EPHA6: variants seen among roughly 807,000 people sequenced by gnomAD.
The protein encoded by EPHA6 is ephrin type-A receptor 6.
EPHA6 carries 50 observed loss-of-function variants against 112.0 expected under a neutral mutation model. The observed-to-expected ratio is 0.45, with a 90% CI of 0.36 to 0.56. The LOEUF (loss-of-function observed/expected upper bound fraction) is 0.56, where lower values mean the gene tolerates loss of function less well. Ranked by LOEUF, EPHA6 falls within the 20% of genes least tolerant of loss-of-function variation. The probability of loss-of-function intolerance (pLI) is 0.00; values close to 1 mark genes in which losing one functional copy is unlikely to be tolerated. For synonymous variants in EPHA6, 529 were observed against 490.7 expected (o/e 1.08, Z -1.03); for missense variants, 1,280 against 1,417.4 (o/e 0.90, Z 1.56).
intron 2 of EPHA6, among the ~76,000 whole-genome samples, chr3:96,923,759 G>C (rs1254567278): frequency 2.0e-5 from 3 of 151,922 alleles, no homozygotes; most frequent in African/African-American, 7.3e-5. Context: ...TTATAGTTTT[G>C]GGTTTCACAT....
chr3:97,289,442 C>G (rs1037371327), intron 5 of EPHA6, among the ~76,000 whole-genome samples: 2 of 152,068 alleles, frequency 1.3e-5, no homozygotes, highest in African/African-American at 4.8e-5. Flanking sequence ...GTCTTTGTGT[C>G]TGTTTTTGTA....
intron 13 of EPHA6, among the ~76,000 whole-genome samples, chr3:97,630,719 G>T (rs1315023199): frequency 6.6e-6 from 1 of 151,966 alleles, no homozygotes; most frequent in Non-Finnish European, 1.5e-5. Context: ...ATAAGAAAGA[G>T]GCCTGGAAGT....
intron 6 of EPHA6, among the ~76,000 whole-genome samples, chr3:97,422,195 A>G (rs2088713397): frequency 6.6e-6 from 1 of 151,904 alleles, no homozygotes; most frequent in Admixed American, 6.6e-5. Flanking sequence ...GATTGTCAAA[A>G]GACAAGACAA....
At chr3:96,977,214 A>G (rs1210186095) in intron 2 of EPHA6, among the ~76,000 whole-genome samples, 2 of 152,184 alleles carry the variant, frequency 1.3e-5, no homozygotes, top group South Asian at 2.1e-4. Flanking sequence ...AGTTTGGTCT[A>G]ATTTAAAGAA....
intron 5 of EPHA6, among the ~76,000 whole-genome samples, chr3:97,297,115 G>T (rs553726902): frequency 6.6e-6 from 1 of 152,252 alleles, no homozygotes; most frequent in East Asian, 1.9e-4. Flanking sequence ...CCCTGTGAGG[G>T]TTGAGAGACT....
chr3:96,998,287 C>A (rs2043498621), intron 3 of EPHA6, among the ~76,000 whole-genome samples: 1 of 151,778 alleles, frequency 6.6e-6, no homozygotes, highest in African/African-American at 2.4e-5. Context: ...TTTAGTTCTA[C>A]CTTTTAAACA....
chr3:96,978,214 T>C (rs2042609770), intron 2 of EPHA6, among the ~76,000 whole-genome samples: 1 of 152,124 alleles, frequency 6.6e-6, no homozygotes, highest in Non-Finnish European at 1.5e-5. Flanking sequence ...ATTCATTAAA[T>C]GGAACTGGAC....
chr3:96,829,961 A>G (rs879860176), intron 1 of EPHA6, among the ~76,000 whole-genome samples: 7,473 of 147,348 alleles, frequency 0.051, 494 homozygotes, highest in Admixed American at 0.2. Flanking sequence ...ACACACACAC[A>G]CACACACACA....
At chr3:97,250,954 C>T (rs1222040357) in intron 5 of EPHA6, among the ~76,000 whole-genome samples, 1 of 151,832 alleles carries the variant, frequency 6.6e-6, no homozygotes, top group African/African-American at 2.4e-5. Context: ...GCAACCTCTG[C>T]CTCCTGGGTT....
At position 97,483,960 on chromosome 3, in the gene EPHA6, A is replaced by G; in HGVS notation, c.2101A>G (p.Ile701Val). Reference sequence around the variant, plus strand: ...GCGCTTCCCGGGAATTAAAACTTACATTGATCCAGATACATATGAAGACCC... The same window carrying G: ...GCGCTTCCCGGGAATTAAAACTTACGTTGATCCAGATACATATGAAGACCC... The part of the protein sequence containing the change: ...HLRFPGIKTY[I>V]DPDTYEDPSL... Residue 701 changes from isoleucine to valine, a missense_variant, in exon 10 of 18, where the codon ATT becomes GTT. By Grantham distance (29) the Ile-to-Val change is conservative. Coordinates refer to ENST00000389672, the MANE Select transcript of EPHA6 (RefSeq NM_001080448.3). 4 of 1,602,558 alleles carry G rather than the reference A, an allele frequency of 2.5e-6. No homozygotes were observed. The highest frequency in any genetic ancestry group is 1.1e-5 in the South Asian group (1 of 87,900).
chr3:97,129,504 A>G lies in EPHA6; in HGVS notation c.1115-96760A>G, dbSNP rs543094474. Among the ~76,000 whole-genome samples the G allele has an allele frequency of 1.5e-4, 23 of 150,948 alleles. No homozygotes were observed. The East Asian group carries it at 4.4e-3, about 29-fold the overall frequency. On this transcript the variant is annotated intron_variant, in intron 3 of 17. Coordinates refer to ENST00000389672, the MANE Select transcript of EPHA6 (RefSeq NM_001080448.3). ...GCGACAGACTTCGTCTCAAAAAACA[A>G]AAACAAAAACAAACAAAAAAAAAAA...
chr3:97,567,060 G>A (rs1001776190), intron 11 of EPHA6, among the ~76,000 whole-genome samples: 1 of 152,288 alleles, frequency 6.6e-6, no homozygotes, highest in Non-Finnish European at 1.5e-5. Flanking sequence ...CACAGCAAAA[G>A]CAGATGTCTA....
At chr3:97,076,749 T>G (rs1051821986) in intron 3 of EPHA6, among the ~76,000 whole-genome samples, 1 of 152,156 alleles carries the variant, frequency 6.6e-6, no homozygotes, top group Admixed American at 6.6e-5. Context: ...ATGCAGCTTG[T>G]AATGTTGAGT....
intron 10 of EPHA6, among the ~76,000 whole-genome samples, chr3:97,525,279 A>T (rs181221990): frequency 3.9e-4 from 59 of 152,250 alleles, no homozygotes; most frequent in Admixed American, 2.1e-3. Context: ...TCAGCTATTC[A>T]AACTATTGAG....
chr3:96,833,653 A>T (rs1452594335), intron 1 of EPHA6, among the ~76,000 whole-genome samples: 1 of 151,974 alleles, frequency 6.6e-6, no homozygotes, highest in South Asian at 2.1e-4. Context: ...AGAAAGTTAA[A>T]CCAGAGTAAG....
chr3:97,026,121 ATTTT>A (rs3038599), intron 3 of EPHA6, among the ~76,000 whole-genome samples: 3,914 of 115,984 alleles, frequency 0.034, 177 homozygotes, highest in African/African-American at 0.11. Context: ...TATGTGTCTG[ATTTT>A]TTTTTTTTTT....
intron 3 of EPHA6, among the ~76,000 whole-genome samples, chr3:97,034,855 T>A (rs1426014689): frequency 6.6e-6 from 1 of 151,912 alleles, no homozygotes; most frequent in Non-Finnish European, 1.5e-5. Context: ...TTTGAACTTT[T>A]CTGAGACCTC....
At chr3:97,097,000 T>G (rs1012674045) in intron 3 of EPHA6, among the ~76,000 whole-genome samples, 2 of 151,656 alleles carry the variant, frequency 1.3e-5, no homozygotes, top group African/African-American at 2.4e-5. Flanking sequence ...TTTATTTAAA[T>G]AAAAATTCAA....
At chr3:97,555,941 G>T (rs920968135) in intron 11 of EPHA6, among the ~76,000 whole-genome samples, 9 of 151,740 alleles carry the variant, frequency 5.9e-5, no homozygotes, top group African/African-American at 2.2e-4. Context: ...ATTAAATCGA[G>T]TGTGCCTTTC....
Sources: allele counts gnomAD v4.1 joint callset (sites outside exome capture counted in the v4.1 genomes callset), GRCh38; gene constraint gnomAD v4.1.1; transcripts MANE v1.5; gene names NCBI Gene and HGNC (gene_info 2026-07-23, HGNC 2026-07-21).